The following TBP variants were observed in gnomAD, a reference collection of about 807,000 sequenced individuals.
TBP encodes TATA-box-binding protein.
TBP carries 12 observed loss-of-function variants against 46.2 expected under a neutral mutation model. The observed-to-expected ratio is 0.26, with a 90% CI of 0.17 to 0.42. The LOEUF is 0.42. Among genes scored for constraint, TBP ranks in the 10% least tolerant of loss-of-function variants. TBP has a pLI of 1.00. For synonymous variants in TBP, 157 were observed against 148.3 expected, an observed-to-expected ratio of 1.06 and a Z score of -0.42; for missense variants, 229 against 403.1, an observed-to-expected ratio of 0.57 and a Z score of 3.70.
chr6:170,569,488 G>C, intron 5 of TBP, 124 bp from the exon 6 acceptor site: 1 of 722,704 alleles, frequency 1.4e-6, no homozygotes, highest in Non-Finnish European at 2.1e-6. Context: ...TTCTCCTATT[G>C]CAAGAAGGCT....
chr6:170,566,822 C>T lies in TBP; in HGVS notation c.586-96C>T, dbSNP rs1004101188. The T allele has an allele frequency of 1.2e-5, 11 of 926,764 alleles. No individual in the cohort carries two copies. The African/African-American group carries it at 1.8e-4, about 15-fold the overall frequency. The allele number at this position is 926,764 out of a possible 1,614,324, so 57.4% of individuals were successfully genotyped here. A position where few individuals can be genotyped will look rare whatever the true frequency, so the allele number is the denominator to read the frequency against. Reference sequence around the variant, plus strand: ...TGATAACTAGATGTACTATGTCCTTCCTACCAGTTGTGATTTTTTTGTCAA... The same window carrying T: ...TGATAACTAGATGTACTATGTCCTTTCTACCAGTTGTGATTTTTTTGTCAA... On this transcript the variant is annotated intron_variant, in intron 4 of 7. Coordinates refer to ENST00000392092, the MANE Select transcript of TBP (RefSeq NM_003194.5).
At position 170,557,067 on chromosome 6, in the gene TBP, G is replaced by T; in HGVS notation, c.38G>T (p.Gly13Val). ...QNNSLPPYAQGLASPQGAMTP... is the reference protein window; with the variant it reads ...QNNSLPPYAQVLASPQGAMTP... ...AACAGCCTGCCACCTTACGCTCAGG[G>T]CTTGGCCTCCCCTCAGGTAATATAG... Residue 13 changes from glycine to valine, a missense_variant, in exon 2 of 8, where the codon GGC becomes GTC. Coordinates refer to ENST00000392092, the MANE Select transcript of TBP (RefSeq NM_003194.5). 1 of 1,614,156 alleles carries T rather than the reference G, an allele frequency of 6.2e-7. No individual in the cohort carries two copies. Among genetic ancestry groups the T allele is most frequent in the Non-Finnish European group, 8.5e-7 (1 of 1,180,004 alleles).
At chr6:170,568,090 G>A (rs891240394) in intron 5 of TBP, among the ~76,000 whole-genome samples, 4 of 152,164 alleles carry the variant, frequency 2.6e-5, no homozygotes, top group Admixed American at 1.3e-4. Context: ...CCTGATCTCC[G>A]AGGTTTTTCA....
intron 5 of TBP, among the ~76,000 whole-genome samples, chr6:170,568,815 C>CT (rs377394208): frequency 0.07 from 4,397 of 62,520 alleles, 1,165 homozygotes; most frequent in South Asian, 0.09. Context: ...CTTTCCTTTT[C>CT]TTTTTTTTTT....
chr6:170,560,536 G>T (rs997077948), intron 2 of TBP, among the ~76,000 whole-genome samples: 1 of 152,170 alleles, frequency 6.6e-6, no homozygotes, highest in Non-Finnish European at 1.5e-5. Context: ...TCTGGGCAAA[G>T]TGAATTGAAA....
chr6:170,558,498 T>C (rs564672437), intron 2 of TBP, among the ~76,000 whole-genome samples: 85 of 152,116 alleles, frequency 5.6e-4, no homozygotes, highest in Non-Finnish European at 8.8e-4. Flanking sequence ...CTCACTTTAC[T>C]GCACTTCACT....
intron 5 of TBP, 131 bp downstream of exon 5, chr6:170,567,140 G>T: frequency 2.6e-6 from 1 of 378,588 alleles, no homozygotes. Flanking sequence ...ATTTTAATAT[G>T]ATTCTATTAA....
chr6:170,572,448 G>A lies in TBP; in HGVS notation c.*183G>A. On this transcript the variant is annotated 3_prime_UTR_variant, in exon 8 of 8. Coordinates refer to ENST00000392092, the MANE Select transcript of TBP (RefSeq NM_003194.5). ...GGGATGCCGGGAAGGGGCATTATTT[G>A]TGCACTGAGAACACCGCGCAGCGTG... The A allele has an allele frequency of 1.6e-6, 1 of 614,570 alleles. No individual in the cohort carries two copies. The highest frequency in any genetic ancestry group is 2.0e-5 in the South Asian group (1 of 50,076). 38.1% of individuals were successfully genotyped at this position (614,570 alleles called of 1,614,324 possible).
Position 170,557,097 on chromosome 6 carries a change from A to T in TBP, c.54+14A>T. The T allele has an allele frequency of 6.2e-7, 1 of 1,613,016 alleles. No homozygotes were observed. On this transcript the variant is annotated intron_variant, in intron 2 of 7. Transcript: ENST00000392092. Reference sequence around the variant, plus strand: ...GCCTCCCCTCAGGTAATATAGCAGGAGGGAGAGAATAGGGAGGGCGGAAAT... The same window carrying T: ...GCCTCCCCTCAGGTAATATAGCAGGTGGGAGAGAATAGGGAGGGCGGAAAT...
At chr6:170,570,625 G>C (rs995561698) in intron 6 of TBP, among the ~76,000 whole-genome samples, 1 of 152,184 alleles carries the variant, frequency 6.6e-6, no homozygotes, top group Non-Finnish European at 1.5e-5. Context: ...TTGAGTTCAG[G>C]AGTTCAAGAC....
chr6:170,570,087 G>A (rs888963752), intron 6 of TBP, among the ~76,000 whole-genome samples: 6 of 144,524 alleles, frequency 4.2e-5, no homozygotes, highest in Non-Finnish European at 7.6e-5. Flanking sequence ...CCCTAACCTT[G>A]TATCAATTTT....
At position 170,569,628 on chromosome 6, in the gene TBP, C is replaced by A; in HGVS notation, c.694C>A (p.Leu232Met). 1.9e-6 allele frequency: 3 copies of A among 1,613,990 alleles called. No individual in the cohort carries two copies. The highest frequency in any genetic ancestry group is 1.7e-6 in the Non-Finnish European group (2 of 1,179,936). ...TTTCCCTAGTGAAGAACAGTCCAGA[C>A]TGGCAGCAAGAAAATATGCTAGAGT... Reference protein sequence around the residue: ...TGAKSEEQSRLAARKYARVVQ... With the variant: ...TGAKSEEQSRMAARKYARVVQ... Residue 232 changes from leucine (L) to methionine (M), a missense_variant, in exon 6 of 8, where the codon CTG becomes ATG. Physicochemically the swap from Leu to Met is conservative, Grantham distance 15. Around this residue, in one of 4 missense-constraint regions of TBP, gnomAD observed 67 missense variants for 188.2 expected, o/e 0.36. Transcript: ENST00000392092.
intron 2 of TBP, among the ~76,000 whole-genome samples, chr6:170,558,728 C>G (rs1290041603): frequency 7.2e-6 from 1 of 139,144 alleles, no homozygotes; most frequent in Non-Finnish European, 1.5e-5. Flanking sequence ...TTCAGTCACT[C>G]TGTTGCCCAG....
In TBP at chr6:170,561,873, C is replaced by G; in HGVS notation, c.137C>G (p.Thr46Ser). 1.2e-6 allele frequency: 2 copies of G among 1,613,970 alleles called. No homozygotes were observed. The highest frequency in any genetic ancestry group is 2.2e-5 in the South Asian group (2 of 91,076). Residue 46 changes from threonine (T) to serine (S), a missense_variant, in exon 3 of 8, where the codon ACC becomes AGC. Thr to Ser is a moderately conservative substitution (Grantham distance 58). Around this residue, in one of 4 missense-constraint regions of TBP, gnomAD observed 49 missense variants for 94.7 expected, o/e 0.52. Coordinates refer to ENST00000392092, the MANE Select transcript of TBP (RefSeq NM_003194.5). ...TGLTPQPIQN[T>S]NSLSILEEQQ... ...CTGACCCCACAGCCTATTCAGAACA[C>G]CAATAGTCTGTCTATTTTGGAAGAG...
intron 3 of TBP, among the ~76,000 whole-genome samples, 179 bp downstream of exon 3, chr6:170,562,412 C>G (rs1779167227): frequency 6.6e-6 from 1 of 152,118 alleles, no homozygotes; most frequent in African/African-American, 2.4e-5. Flanking sequence ...TAGTCAGTGT[C>G]CTCAGTAAAA....
chr6:170,559,041 AATT>A (rs1440453759), intron 2 of TBP, among the ~76,000 whole-genome samples: 2 of 152,326 alleles, frequency 1.3e-5, no homozygotes, highest in African/African-American at 4.8e-5. Context: ...TTACTATTGT[AATT>A]ATTATTGAAT....
intron 5 of TBP, among the ~76,000 whole-genome samples, chr6:170,569,168 C>T (rs1375758818): frequency 1.3e-5 from 2 of 152,164 alleles, no homozygotes; most frequent in Non-Finnish European, 2.9e-5. Flanking sequence ...GTTTATTCAA[C>T]AAATGACATA....
chr6:170,565,902 G>T (rs984638502), intron 4 of TBP, among the ~76,000 whole-genome samples: 1 of 151,960 alleles, frequency 6.6e-6, no homozygotes, highest in Non-Finnish European at 1.5e-5. Context: ...GCAAGGCCTT[G>T]TTTCATCAGA....
rs540178324 is a variant in TBP at position 170,572,325 on chromosome 6, G to A, written c.*60G>A. On this transcript the variant is annotated 3_prime_UTR_variant, in exon 8 of 8. Coordinates refer to ENST00000392092, the MANE Select transcript of TBP (RefSeq NM_003194.5). Reference sequence around the variant, plus strand: ...TCTTTTTTTTTTTTTAAACAAATCAGTTTGTTTTGGTACCTTTAAATGGTG... The same window carrying A: ...TCTTTTTTTTTTTTTAAACAAATCAATTTGTTTTGGTACCTTTAAATGGTG... 10 of 1,317,266 alleles carry A rather than the reference G, an allele frequency of 7.6e-6. No homozygotes were observed. The South Asian group carries it at 1.0e-4, about 13-fold the overall frequency. 81.6% of individuals were successfully genotyped at this position (1,317,266 alleles called of 1,614,324 possible).
Sources: allele counts gnomAD v4.1 joint callset (sites outside exome capture counted in the v4.1 genomes callset), GRCh38; gene constraint gnomAD v4.1.1; regional missense constraint gnomAD v4.1.1; transcripts MANE v1.5; gene names NCBI Gene and HGNC (gene_info 2026-07-23, HGNC 2026-07-21).